ROBO1: variants seen among roughly 807,000 people sequenced by gnomAD.
ROBO1 encodes the protein roundabout homolog 1.
Under a neutral mutation model 195.9 loss-of-function variants are expected in ROBO1, and 149 were observed. The ratio of observed to expected loss-of-function variants is 0.76; its 90% CI spans 0.67 to 0.87. ROBO1 has a LOEUF of 0.87. ROBO1 is among the 40% of genes least tolerant of loss of function. The pLI is 0.00. For synonymous variants in ROBO1, 816 were observed against 733.2 expected (o/e 1.11, Z -1.82); for missense variants, 1,933 against 2,068.3 (o/e 0.93, Z 1.27).
chr3:79,766,633 G>T (rs1377263495), intron 1 of ROBO1, among the ~76,000 whole-genome samples: 4 of 152,120 alleles, frequency 2.6e-5, no homozygotes, highest in Middle Eastern at 3.4e-3. Context: ...CGAGTTTTCC[G>T]CATCGGCCGC....
intron 15 of ROBO1, 88 bp downstream of exon 15, chr3:78,661,905 G>A (rs1205590125): frequency 3.9e-5 from 55 of 1,396,800 alleles, no homozygotes; most frequent in Non-Finnish European, 5.2e-5. Flanking sequence ...TAATGTACAA[G>A]TAGGCAACAG....
chr3:78,849,423 AG>A (rs1389861368), intron 4 of ROBO1, among the ~76,000 whole-genome samples: 1 of 152,152 alleles, frequency 6.6e-6, no homozygotes, highest in Non-Finnish European at 1.5e-5. Context: ...AAATTTTTAT[AG>A]GACCTTTTAG....
chr3:79,699,086 T>TAC (rs1947533769), intron 1 of ROBO1, among the ~76,000 whole-genome samples: 2 of 145,290 alleles, frequency 1.4e-5, no homozygotes, highest in Admixed American at 1.4e-4. Flanking sequence ...TATTAATTTA[T>TAC]ATATATATAT....
At chr3:79,674,827 C>CGTGTGT (rs151094387) in intron 1 of ROBO1, among the ~76,000 whole-genome samples, 35 of 61,938 alleles carry the variant, frequency 5.7e-4, no homozygotes, top group African/African-American at 1.4e-3. Flanking sequence ...TATTTATATC[C>CGTGTGT]GTGTGTGTGT....
At chr3:79,244,688 A>G (rs902082836) in intron 2 of ROBO1, among the ~76,000 whole-genome samples, 4 of 152,110 alleles carry the variant, frequency 2.6e-5, no homozygotes, top group Admixed American at 6.6e-5. Flanking sequence ...TTTCGTATCT[A>G]TGCTCTGATT....
rs138849151 is a variant in ROBO1 at position 79,498,619 on chromosome 3, C to T, written c.88+91205G>A. On this transcript the variant is annotated intron_variant, in intron 2 of 30. Transcript: ENST00000464233. ...CTGTAATCCCAGCACTTTGGGAGGC[C>T]GAGGCAGGTGGATTACCTGAGGTCA... Among the ~76,000 whole-genome samples the T allele has an allele frequency of 3.7e-3, 557 of 152,014 alleles. 5 individuals carry two copies. Among genetic ancestry groups the T allele is most frequent in the African/African-American group, 0.013 (520 of 41,456 alleles).
At chr3:78,779,074 C>A (rs547635719) in intron 4 of ROBO1, among the ~76,000 whole-genome samples, 4 of 152,092 alleles carry the variant, frequency 2.6e-5, no homozygotes, top group African/African-American at 9.6e-5. Flanking sequence ...TGAAACTGGA[C>A]CCCTTCCTTA....
In ROBO1 at chr3:78,910,182, T is replaced by G. The variant is rs563805503; in HGVS notation, c.499+28419A>C. 2.0e-5 allele frequency among the ~76,000 whole-genome samples: 3 copies of G among 151,958 alleles called. No homozygotes were observed. The South Asian group carries it at 6.2e-4, about 31-fold the overall frequency. ...AGCTGAAAATGAATAATCTTCAATA[T>G]ATAAAATACTTAGCATTATATGTTT... On this transcript the variant is annotated intron_variant, in intron 4 of 30. Transcript: ENST00000464233.
At chr3:78,628,630 C>A (rs964981374) in intron 25 of ROBO1, among the ~76,000 whole-genome samples, 4 of 152,176 alleles carry the variant, frequency 2.6e-5, no homozygotes, top group Admixed American at 2.6e-4. Context: ...TTTACCTGAA[C>A]TCAGGAAAGT....
chr3:79,614,456 G>A (rs890247194), intron 1 of ROBO1, among the ~76,000 whole-genome samples: 3 of 152,096 alleles, frequency 2.0e-5, no homozygotes, highest in Non-Finnish European at 4.4e-5. Flanking sequence ...ATGGAATGCA[G>A]ATAAGTAGCA....
intron 1 of ROBO1, among the ~76,000 whole-genome samples, chr3:79,749,617 G>T (rs1350394998): frequency 1.3e-5 from 2 of 152,280 alleles, no homozygotes; most frequent in South Asian, 2.1e-4. Flanking sequence ...GGGACTTGGT[G>T]CCCCGTGTTC....
intron 3 of ROBO1, among the ~76,000 whole-genome samples, chr3:78,998,406 C>T (rs1450068455): frequency 1.3e-5 from 2 of 152,114 alleles, no homozygotes; most frequent in African/African-American, 4.8e-5. Context: ...ACTTGCCCTA[C>T]ACTTATACTC....
At chr3:79,486,716 G>C (rs539023767) in intron 2 of ROBO1, among the ~76,000 whole-genome samples, 1 of 152,228 alleles carries the variant, frequency 6.6e-6, no homozygotes, top group Non-Finnish European at 1.5e-5. Flanking sequence ...TACCAGTGAA[G>C]GGCAGCAGAA....
intron 9 of ROBO1, among the ~76,000 whole-genome samples, chr3:78,686,541 C>G (rs1383846151): frequency 7.9e-6 from 1 of 127,350 alleles, no homozygotes; most frequent in Non-Finnish European, 1.6e-5. Flanking sequence ...GGTGACAGAG[C>G]GAGACTTTGT....
intron 2 of ROBO1, among the ~76,000 whole-genome samples, chr3:79,546,465 A>T (rs572582596): frequency 3.9e-5 from 6 of 152,208 alleles, no homozygotes; most frequent in Admixed American, 3.3e-4. Context: ...ACGTTAAAAA[A>T]ATTCATTGAC....
chr3:79,222,092 ATT>A (rs1476937398), intron 2 of ROBO1, among the ~76,000 whole-genome samples: 1 of 152,008 alleles, frequency 6.6e-6, no homozygotes, highest in Non-Finnish European at 1.5e-5. Context: ...TCTCTTACAG[ATT>A]TGTAATTCTT....
chr3:78,892,595 A>G (rs113227939), intron 4 of ROBO1, among the ~76,000 whole-genome samples: 2 of 152,288 alleles, frequency 1.3e-5, no homozygotes, highest in Admixed American at 6.5e-5. Context: ...GTTTATCATC[A>G]TCATCATCAT....
chr3:79,402,441 T>C (rs1195647448), intron 2 of ROBO1, among the ~76,000 whole-genome samples: 1 of 151,900 alleles, frequency 6.6e-6, no homozygotes, highest in Non-Finnish European at 1.5e-5. Flanking sequence ...TGTTGGTAAA[T>C]AACGCAGGCA....
chr3:78,850,472 A>T (rs1273995147), intron 4 of ROBO1, among the ~76,000 whole-genome samples: 1 of 152,244 alleles, frequency 6.6e-6, no homozygotes, highest in South Asian at 2.1e-4. Flanking sequence ...AGAAAAACAT[A>T]ACAAAATAAT....
Sources: allele counts gnomAD v4.1 joint callset (sites outside exome capture counted in the v4.1 genomes callset), GRCh38; gene constraint gnomAD v4.1.1; transcripts MANE v1.5; gene names NCBI Gene and HGNC (gene_info 2026-07-23, HGNC 2026-07-21).